GPHN: variants seen among roughly 807,000 people sequenced by gnomAD.
The protein encoded by GPHN is gephyrin.
A neutral mutation model predicts 95.5 loss-of-function variants in GPHN; 17 were observed. The ratio of observed to expected loss-of-function variants is 0.18; its 90% CI spans 0.12 to 0.27. GPHN has a LOEUF of 0.27. Ranked by LOEUF, GPHN falls within the 10% of genes least tolerant of loss-of-function variation. The probability of loss-of-function intolerance (pLI) is 1.00; values close to 1 mark genes in which losing one functional copy is unlikely to be tolerated. For missense variants in GPHN, 660 were observed against 978.1 expected, an observed-to-expected ratio of 0.67 and a Z score of 4.34; for synonymous variants, 320 against 322.5, an observed-to-expected ratio of 0.99 and a Z score of 0.08.
chr14:66,591,041 A>T (rs1302007871), intron 1 of GPHN, among the ~76,000 whole-genome samples: 2 of 152,224 alleles, frequency 1.3e-5, no homozygotes, highest in Non-Finnish European at 2.9e-5. Context: ...TGTAAACCGA[A>T]GCAACGATGA....
chr14:66,542,673 T>C (rs1376098692), intron 1 of GPHN, among the ~76,000 whole-genome samples: 1 of 152,224 alleles, frequency 6.6e-6, no homozygotes, highest in Non-Finnish European at 1.5e-5. Context: ...CTGCTACCTC[T>C]GTCTTTAAAC....
chr14:66,567,699 A>G (rs575586682), intron 1 of GPHN, among the ~76,000 whole-genome samples: 1 of 152,234 alleles, frequency 6.6e-6, no homozygotes, highest in East Asian at 1.9e-4. Flanking sequence ...TTTTATTGGT[A>G]TTACTTTTGT....
rs1380261815 is a variant in GPHN, at chr14:66,652,602, G to A, written c.65-28505G>A. The stretch of plus-strand genomic sequence containing the variant: ...TTTACTTTTGTTTTAATATTCTAAA[G>A]CTATACATTAATATTATTTGCCACA... On this transcript the variant is annotated intron_variant, in intron 1 of 22. Transcript: ENST00000478722. Among the ~76,000 whole-genome samples, 4 of 151,736 alleles carry A rather than the reference G, an allele frequency of 2.6e-5. No individual in the cohort carries two copies. In the East Asian group the frequency reaches 7.8e-4, roughly 29 times the overall value.
chr14:67,110,173 C>A lies in GPHN; in HGVS notation c.1327C>A (p.Arg443=), dbSNP rs376650247. Residue 443 remains arginine (R), a synonymous_variant, in exon 14 of 23, where the codon CGG becomes AGG. Transcript: ENST00000478722. ...GACAGTAATGCCAGGACAAGTCATGCGGGTTACAACAGGTGCTCCAATACC... is the reference window on the plus strand; with the variant it reads ...GACAGTAATGCCAGGACAAGTCATGAGGGTTACAACAGGTGCTCCAATACC... The part of the protein sequence containing the change: ...TQTVMPGQVM[R]VTTGAPIPCG... 17 of 1,611,558 alleles carry A rather than the reference C, an allele frequency of 1.1e-5. No individual in the cohort carries two copies. Among genetic ancestry groups the A allele is most frequent in the Admixed American group, 5.0e-5 (3 of 59,974 alleles).
At chr14:67,581,157 T>A in the GPHN span, 12 of 665,110 alleles carry the variant, frequency 1.8e-5, no homozygotes, top group East Asian at 3.2e-4. Context: ...GATATAACAC[T>A]GCCTGGCAGT....
At chr14:67,359,782 C>A in the GPHN span, 1 of 1,516,274 alleles carries the variant, frequency 6.6e-7, no homozygotes, top group Non-Finnish European at 9.1e-7. Flanking sequence ...CAGTGTCTTC[C>A]TCTACGGGAG....
Position 67,123,368 on chromosome 14 carries a change from A to G in GPHN, c.1748+991A>G, listed in dbSNP as rs80196013. Reference sequence around the variant, plus strand: ...GAACTTTATCTTAGGCTCACACTGGACATAGTCTAACCTAAGCTTGTCCAG... The same window carrying G: ...GAACTTTATCTTAGGCTCACACTGGGCATAGTCTAACCTAAGCTTGTCCAG... On this transcript the variant is annotated intron_variant, in intron 17 of 22. Coordinates refer to ENST00000478722, the MANE Select transcript of GPHN (RefSeq NM_020806.5). Among the ~76,000 whole-genome samples, 157 of 152,332 alleles carry G rather than the reference A, an allele frequency of 1.0e-3. 2 individuals are homozygous for G. In the East Asian group the frequency reaches 0.025, roughly 25 times the overall value.
chr14:66,739,316 A>G (rs1426938632), intron 2 of GPHN, among the ~76,000 whole-genome samples: 1 of 148,940 alleles, frequency 6.7e-6, no homozygotes, highest in Non-Finnish European at 1.5e-5. Flanking sequence ...TCCCAGGTTC[A>G]TGCCATTCTC....
the GPHN span, chr14:67,653,288 A>T: frequency 1.6e-6 from 1 of 606,788 alleles, no homozygotes; most frequent in African/African-American, 1.9e-5. Context: ...TAGCGTCTTT[A>T]TTCTGGTCTG....
the GPHN span, chr14:67,272,131 T>C: frequency 1.5e-4 from 23 of 152,218 alleles, no homozygotes; most frequent in Non-Finnish European, 2.9e-4. Flanking sequence ...ATAATTAAAT[T>C]TGTATACAAA....
rs2077046429 is a variant in GPHN at position 67,089,151 on chromosome 14, T to C, written c.1237+76T>C. 3.8e-6 allele frequency: 2 copies of C among 521,020 alleles called. 1 individual carries two copies. The highest frequency in any genetic ancestry group is 3.7e-5 in the South Asian group (2 of 53,946). The allele number at this position is 521,020 out of a possible 1,614,324, so 32.3% of individuals were successfully genotyped here. On this transcript the variant is annotated intron_variant, in intron 12 of 22. Coordinates refer to ENST00000478722, the MANE Select transcript of GPHN (RefSeq NM_020806.5). ...TTTTTTTCTTTTTTTTTTTTTTTTT[T>C]TTTTTTTCAAATTTTTGGCTTAGCC...
At chr14:67,240,913 CAA>C in the GPHN span, among the ~76,000 whole-genome samples, 8 of 152,182 alleles carry the variant, frequency 5.3e-5, no homozygotes, top group African/African-American at 1.9e-4. Flanking sequence ...TTAAAAAAAA[CAA>C]ATGTTAGATT....
At chr14:67,484,218 T>C in the GPHN span, among the ~76,000 whole-genome samples, 1 of 152,186 alleles carries the variant, frequency 6.6e-6, no homozygotes, top group Non-Finnish European at 1.5e-5. Context: ...GAAAACTTCA[T>C]GAGAGCAGGG....
At chr14:66,873,171 A>G (rs2063515185) in intron 4 of GPHN, among the ~76,000 whole-genome samples, 1 of 152,186 alleles carries the variant, frequency 6.6e-6, no homozygotes, top group Non-Finnish European at 1.5e-5. Flanking sequence ...AGGAAGCACT[A>G]GGGATCAGGG....
chr14:67,329,858 A>G, the GPHN span, among the ~76,000 whole-genome samples: 1 of 150,480 alleles, frequency 6.6e-6, no homozygotes, highest in African/African-American at 2.4e-5. Flanking sequence ...AAATAAATAA[A>G]TAAATAAATA....
At chr14:66,513,054 T>G (rs1215489210) in intron 1 of GPHN, among the ~76,000 whole-genome samples, 1 of 151,798 alleles carries the variant, frequency 6.6e-6, no homozygotes. Flanking sequence ...TGAAATAGAT[T>G]GTTATTTTGT....
chr14:67,022,568 G>GTGTGT (rs1555466198), intron 9 of GPHN, among the ~76,000 whole-genome samples: 2 of 20,880 alleles, frequency 9.6e-5, no homozygotes, highest in Non-Finnish European at 1.8e-4. Flanking sequence ...TTTTTTTTTT[G>GTGTGT]GTGTGTGTGT....
At chr14:66,792,375 T>C (rs564497779) in intron 3 of GPHN, among the ~76,000 whole-genome samples, 2 of 152,030 alleles carry the variant, frequency 1.3e-5, no homozygotes, top group South Asian at 4.2e-4. Context: ...TAGCTAGGCA[T>C]GTTAGTGCAC....
the GPHN span, chr14:67,392,556 C>T: frequency 8.0e-7 from 1 of 1,256,828 alleles, no homozygotes; most frequent in Non-Finnish European, 1.2e-6. Flanking sequence ...AAGTCGTCCC[C>T]CAAGCCCAAG....
Sources: gnomAD v4.1 joint callset for allele counts (sites outside exome capture counted in the v4.1 genomes callset) on GRCh38, gnomAD v4.1.1 for gene constraint, MANE v1.5 for transcripts, NCBI Gene and HGNC (gene_info 2026-07-23, HGNC 2026-07-21) for gene names.